Variants in NFATC1 observed in about 807,000 individuals in gnomAD.
The protein encoded by NFATC1 is nuclear factor of activated T-cells, cytoplasmic 1.
In NFATC1, 22 loss-of-function variants were observed where a neutral mutation model predicts 76.0. That is an observed-to-expected ratio of 0.29 (90% CI 0.21 to 0.41). The LOEUF (loss-of-function observed/expected upper bound fraction) is 0.41, where lower values mean the gene tolerates loss of function less well. Among genes scored for constraint, NFATC1 ranks in the 10% least tolerant of loss-of-function variants. The probability of loss-of-function intolerance (pLI) is 1.00; values close to 1 mark genes in which losing one functional copy is unlikely to be tolerated. For synonymous variants in NFATC1, 704 were observed against 613.1 expected (o/e 1.15, Z -2.19); for missense variants, 1,357 against 1,337.7 (o/e 1.01, Z -0.23).
At chr18:79,462,181 C>T (rs1185128293) in intron 7 of NFATC1, among the ~76,000 whole-genome samples, 1 of 152,146 alleles carries the variant, frequency 6.6e-6, no homozygotes, top group African/African-American at 2.4e-5. Context: ...CCGGTTGCTG[C>T]GTGCATCTCT....
intron 2 of NFATC1, among the ~76,000 whole-genome samples, chr18:79,418,476 G>A (rs372603956): frequency 3.9e-5 from 6 of 152,350 alleles, no homozygotes; most frequent in Admixed American, 1.3e-4. Flanking sequence ...GTGGGGGCAC[G>A]TGTCACGGGG....
chr18:79,424,591 GTCTC>G (rs1203279676), intron 2 of NFATC1, among the ~76,000 whole-genome samples: 10 of 139,646 alleles, frequency 7.2e-5, no homozygotes, highest in East Asian at 2.1e-4. Flanking sequence ...CTCTTTCTCT[GTCTC>G]TCTCTGTCTC....
intron 9 of NFATC1, among the ~76,000 whole-genome samples, chr18:79,522,512 G>A (rs987966412): frequency 7.6e-6 from 1 of 130,766 alleles, no homozygotes; most frequent in African/African-American, 2.8e-5. Flanking sequence ...TTTGTGTGGG[G>A]GGGGTGCGTC....
chr18:79,451,819 A>G lies in NFATC1; in HGVS notation c.1903+3A>G, dbSNP rs2087485760. 6.2e-7 allele frequency: 1 copy of G among 1,605,224 alleles called. No individual in the cohort carries two copies. Among genetic ancestry groups the G allele is most frequent in the Non-Finnish European group, 8.5e-7 (1 of 1,175,376 alleles). On this transcript the variant is annotated splice_donor_region_variant and intron_variant, in intron 6 of 9. Coordinates refer to ENST00000427363, the MANE Select transcript of NFATC1 (RefSeq NM_001278669.2). ...CATTTTCGTGGAGAAAGCCCCAGGTATGCTCTTCACCAGGGGCCATCTGCG... is the reference window on the plus strand; with the variant it reads ...CATTTTCGTGGAGAAAGCCCCAGGTGTGCTCTTCACCAGGGGCCATCTGCG...
At chr18:79,519,527 G>T (rs985379367) in intron 9 of NFATC1, among the ~76,000 whole-genome samples, 13 of 151,986 alleles carry the variant, frequency 8.6e-5, no homozygotes, top group African/African-American at 3.1e-4. Flanking sequence ...AGAGATGGGG[G>T]GTGGTCTCAC....
At chr18:79,495,721 G>A (rs572001886) in intron 9 of NFATC1, among the ~76,000 whole-genome samples, 166 of 152,392 alleles carry the variant, frequency 1.1e-3, no homozygotes, top group African/African-American at 3.8e-3. Context: ...TGTGTGCGAT[G>A]CCTTTGTCAT....
chr18:79,520,407 C>T (rs560823943), intron 9 of NFATC1, among the ~76,000 whole-genome samples: 1 of 152,050 alleles, frequency 6.6e-6, no homozygotes, highest in East Asian at 1.9e-4. Context: ...CATCCTGCTC[C>T]GCTGGCGCCT....
chr18:79,503,537 C>T (rs112718099), intron 9 of NFATC1, among the ~76,000 whole-genome samples: 9,710 of 152,234 alleles, frequency 0.064, 410 homozygotes, highest in Admixed American at 0.097. Flanking sequence ...ACAGAGGTGC[C>T]GTCATCCGGG....
intron 7 of NFATC1, among the ~76,000 whole-genome samples, chr18:79,466,492 T>C (rs1456731746): frequency 1.3e-5 from 2 of 152,164 alleles, no homozygotes; most frequent in South Asian, 4.1e-4. Flanking sequence ...GGTCTCCGTG[T>C]CCCAGCCCCC....
rs1297348603 is a variant in NFATC1, at chr18:79,528,570, A to C, written c.*993A>C. 6.6e-6 allele frequency: 1 copy of C among 152,242 alleles called. No homozygotes were observed. The allele number at this position is 152,242 out of a possible 1,614,324, so 9.4% of individuals were successfully genotyped here. On this transcript the variant is annotated 3_prime_UTR_variant, in exon 10 of 10. Coordinates refer to ENST00000427363, the MANE Select transcript of NFATC1 (RefSeq NM_001278669.2). ...TCTCACGCAGTTCGAGGAGGACCCTAGAAAGCCAGGAGCTGTGATTGACAG... is the reference window on the plus strand; with the variant it reads ...TCTCACGCAGTTCGAGGAGGACCCTCGAAAGCCAGGAGCTGTGATTGACAG...
At chr18:79,407,753 G>T (rs948514776) in intron 1 of NFATC1, among the ~76,000 whole-genome samples, 4 of 152,210 alleles carry the variant, frequency 2.6e-5, no homozygotes, top group Non-Finnish European at 5.9e-5. Flanking sequence ...CCACCTCCTT[G>T]ATTTATTGAC....
In NFATC1 at chr18:79,527,676, A is replaced by C; in HGVS notation, c.*99A>C. On this transcript the variant is annotated 3_prime_UTR_variant, in exon 10 of 10. Coordinates refer to ENST00000427363, the MANE Select transcript of NFATC1 (RefSeq NM_001278669.2). ...TGAACTCACACCTGGTACCACTCAG[A>C]ACCTCCAACTGACTGAATGCCAGGA... 1 of 1,053,524 alleles carries C rather than the reference A, an allele frequency of 9.5e-7. No individual in the cohort carries two copies. Among genetic ancestry groups the C allele is most frequent in the Non-Finnish European group, 1.5e-6 (1 of 685,058 alleles). The allele number at this position is 1,053,524 out of a possible 1,614,324, so 65.3% of individuals were successfully genotyped here.
chr18:79,410,406 A>T lies in NFATC1; in HGVS notation c.131A>T (p.His44Leu). The change falls in exon 2 of 10, where the codon CAC becomes CTC. Residue 44 changes from histidine to leucine, a missense_variant. Transcript: ENST00000427363. The surrounding 1 kb of genome is among the most constrained non-coding windows in gnomAD (Gnocchi z 6.7). ...ATCTGCTTCTTTTTCTCTCTAGAAC[A>T]CTATGGCTATGCATCCTCCAACGTC... ...GGTMKSAEEE[H>L]YGYASSNVSP... 6.2e-7 allele frequency: 1 copy of T among 1,607,630 alleles called. No individual in the cohort carries two copies.
In NFATC1 at chr18:79,486,388, G is replaced by A. The variant is rs55839918; in HGVS notation, c.2233G>A (p.Val745Met). ...AMPPDPSSCLVAGFPPCPQRS... is the reference protein window; with the variant it reads ...AMPPDPSSCLMAGFPPCPQRS... ...GCCACCCGACCCCAGCTCCTGCCTC[G>A]TGGCCGGCTTCCCGCCCTGTCCGCA... is the stretch of plus-strand genomic sequence containing the variant. The change falls in exon 9 of 10, where the codon GTG becomes ATG. Residue 745 changes from valine (V) to methionine (M), a missense_variant. Physicochemically the swap from Val to Met is conservative, Grantham distance 21. This residue lies in a region of NFATC1 where 424 missense variants were observed against 395.4 expected (regional missense o/e 1.07). Transcript: ENST00000427363. 2.0e-5 allele frequency: 32 copies of A among 1,612,746 alleles called. 1 individual carries two copies. In the East Asian group the frequency reaches 4.7e-4, roughly 24 times the overall value.
In NFATC1 at chr18:79,486,396, C is replaced by T; in HGVS notation, c.2241C>T (p.Gly747=). 1 of 1,612,884 alleles carries T rather than the reference C, an allele frequency of 6.2e-7. No homozygotes were observed. The highest frequency in any genetic ancestry group is 2.2e-5 in the East Asian group (1 of 44,870). The part of the protein sequence containing the change: ...PPDPSSCLVA[G]FPPCPQRSTL... ...ACCCCAGCTCCTGCCTCGTGGCCGG[C>T]TTCCCGCCCTGTCCGCAGAGAAGCA... The change falls in exon 9 of 10, where the codon GGC becomes GGT. Residue 747 remains glycine, a synonymous_variant. Coordinates refer to ENST00000427363, the MANE Select transcript of NFATC1 (RefSeq NM_001278669.2).
intron 6 of NFATC1, among the ~76,000 whole-genome samples, chr18:79,455,755 CCCCA>C (rs2087682870): frequency 1.0e-4 from 1 of 9,958 alleles, no homozygotes; most frequent in Non-Finnish European, 2.4e-4. Context: ...CTCACGGCCG[CCCCA>C]TCCCACGGCC....
At chr18:79,400,600 C>G in intron 1 of NFATC1, 3 of 907,122 alleles carry the variant, frequency 3.3e-6, no homozygotes, top group Middle Eastern at 3.9e-4. Flanking sequence ...GCGCCCGGGA[C>G]CGAGGGGCTA....
In NFATC1 at chr18:79,419,380, G is replaced by GC. The variant is rs902463736; in HGVS notation, c.1226+7885dup. On this transcript the variant is annotated intron_variant, in intron 2 of 9. Transcript: ENST00000427363. ...CTCACCGAAGACCGAGTGCCCGGGAGCCCCCCTAGGAGGGTCAGAACCTGC... is the reference window on the plus strand; with the variant it reads ...CTCACCGAAGACCGAGTGCCCGGGAGCCCCCCCTAGGAGGGTCAGAACCTGC... Among the ~76,000 whole-genome samples the GC allele has an allele frequency of 1.6e-3, 242 of 151,874 alleles. 2 individuals are homozygous for GC. The highest frequency in any genetic ancestry group is 5.5e-3 in the African/African-American group (228 of 41,380).
rs990684158 is a variant in NFATC1 at position 79,424,331 on chromosome 18, C to T, written c.1227-9248C>T. 3.3e-5 allele frequency among the ~76,000 whole-genome samples: 5 copies of T among 152,230 alleles called. No individual in the cohort carries two copies. The East Asian group carries it at 5.8e-4, about 18-fold the overall frequency. ...AAACTTTCTCAGGGCCGAGTTCTGC[C>T]GGCACAGGTCAGGGGGCAAAGCTGG... On this transcript the variant is annotated intron_variant, in intron 2 of 9. Coordinates refer to ENST00000427363, the MANE Select transcript of NFATC1 (RefSeq NM_001278669.2).
Sources: allele counts gnomAD v4.1 joint callset (sites outside exome capture counted in the v4.1 genomes callset), GRCh38; gene constraint gnomAD v4.1.1; regional missense constraint gnomAD v4.1.1; non-coding constraint Gnocchi (gnomAD v3.1); transcripts MANE v1.5; gene names NCBI Gene and HGNC (gene_info 2026-07-23, HGNC 2026-07-21).